IL1RAPL2: variants seen among roughly 807,000 people sequenced by gnomAD.
IL1RAPL2 encodes the protein X-linked interleukin-1 receptor accessory protein-like 2.
A neutral mutation model predicts 44.1 loss-of-function variants in IL1RAPL2; 3 were observed. The observed-to-expected ratio is 0.07, with a 90% CI of 0.03 to 0.18. The LOEUF (loss-of-function observed/expected upper bound fraction) is 0.18. Ranked by LOEUF, IL1RAPL2 falls within the 10% of genes least tolerant of loss-of-function variation. The pLI is 1.00. For missense variants in IL1RAPL2, 391 were observed against 496.4 expected, an observed-to-expected ratio of 0.79 and a Z score of 2.02; for synonymous variants, 181 against 178.8, an observed-to-expected ratio of 1.01 and a Z score of -0.10.
chrX:105,546,419 A>T (rs1340403927), intron 6 of IL1RAPL2, among the ~76,000 whole-genome samples: 1 of 111,578 alleles, frequency 9.0e-6, no homozygotes, highest in Non-Finnish European at 1.9e-5. Context: ...CAAACAATAC[A>T]ATGAGATCAT....
intron 2 of IL1RAPL2, among the ~76,000 whole-genome samples, chrX:104,978,889 A>C (rs948611803): frequency 9.0e-6 from 1 of 111,673 alleles, no homozygotes; most frequent in Non-Finnish European, 1.9e-5. Context: ...AGGAACATGA[A>C]TAGATGGAGA....
At chrX:105,223,555 G>A (rs1365123174) in intron 3 of IL1RAPL2, among the ~76,000 whole-genome samples, 2 of 111,627 alleles carry the variant, frequency 1.8e-5, no homozygotes, top group East Asian at 2.8e-4. Context: ...TCCCACTTCC[G>A]CTTATAAACA....
intron 5 of IL1RAPL2, among the ~76,000 whole-genome samples, chrX:105,286,786 CAT>C (rs1373771303): frequency 2.3e-4 from 26 of 111,452 alleles, no homozygotes; most frequent in Non-Finnish European, 7.5e-5. Flanking sequence ...GGACAGGAAT[CAT>C]ATCTATTTTG....
intron 5 of IL1RAPL2, among the ~76,000 whole-genome samples, chrX:105,467,835 A>C (rs1265923452): frequency 9.0e-6 from 1 of 111,684 alleles, no homozygotes; most frequent in African/African-American, 3.3e-5. Context: ...TGGAAAGAAA[A>C]ATATAGAGCA....
intron 2 of IL1RAPL2, among the ~76,000 whole-genome samples, chrX:104,828,180 T>C (rs1399493494): frequency 8.9e-6 from 1 of 111,772 alleles, no homozygotes; most frequent in East Asian, 2.8e-4. Context: ...TGGCAAGGAG[T>C]TGTGATCCTT....
rs937901566 is a variant in IL1RAPL2 at position 105,472,632 on chromosome X, A to T, written c.698-11681A>T. ...ATATTTTTTCCTTGGAACTATGAGC[A>T]GTCATAATTGGCTCCATTTGAAAAT... is the stretch of plus-strand genomic sequence containing the variant. On this transcript the variant is annotated intron_variant, in intron 5 of 10. Transcript: ENST00000372582. Among the ~76,000 whole-genome samples the T allele has an allele frequency of 2.7e-5, 3 of 111,996 alleles. No individual in the cohort carries two copies. In the East Asian group the frequency reaches 8.5e-4, roughly 32 times the overall value.
At chrX:104,619,050 C>T (rs1391259927) in intron 1 of IL1RAPL2, among the ~76,000 whole-genome samples, 1 of 111,963 alleles carries the variant, frequency 8.9e-6, no homozygotes, top group Non-Finnish European at 1.9e-5. Flanking sequence ...GCAGCTGTAG[C>T]AGCTCTCCTC....
At chrX:105,103,111 C>G (rs1026004255) in intron 2 of IL1RAPL2, among the ~76,000 whole-genome samples, 12 of 111,618 alleles carry the variant, frequency 1.1e-4, no homozygotes, top group African/African-American at 2.9e-4. Flanking sequence ...GAGGCCCGTA[C>G]TCAGTAAATA....
intron 2 of IL1RAPL2, among the ~76,000 whole-genome samples, chrX:104,910,216 T>C (rs760846583): frequency 8.9e-6 from 1 of 111,797 alleles, no homozygotes; most frequent in African/African-American, 3.3e-5. Context: ...TTCGGCTCGC[T>C]CACGGTGCGC....
intron 5 of IL1RAPL2, among the ~76,000 whole-genome samples, chrX:105,286,465 A>C (rs747692521): frequency 1.0e-5 from 1 of 98,016 alleles, no homozygotes; most frequent in South Asian, 4.5e-4. Flanking sequence ...TCTGCTTTGC[A>C]GCCTCAAAAA....
chrX:105,193,431 T>C (rs2033649019), intron 2 of IL1RAPL2, among the ~76,000 whole-genome samples: 1 of 112,030 alleles, frequency 8.9e-6, no homozygotes, highest in East Asian at 2.8e-4. Flanking sequence ...AACATACTTA[T>C]ATCATTACCT....
At chrX:105,683,776 T>G (rs952020215) in intron 6 of IL1RAPL2, among the ~76,000 whole-genome samples, 7 of 112,376 alleles carry the variant, frequency 6.2e-5, no homozygotes, top group African/African-American at 2.3e-4. Context: ...CAGAGTAAAC[T>G]TCCTTGCAGT....
intron 10 of IL1RAPL2, among the ~76,000 whole-genome samples, chrX:105,758,305 T>A (rs2038656816): frequency 8.9e-6 from 1 of 111,932 alleles, no homozygotes; most frequent in Non-Finnish European, 1.9e-5. Context: ...TGTCTTCACT[T>A]TTGATGTATC....
chrX:105,547,119 G>T (rs1471801851), intron 6 of IL1RAPL2, among the ~76,000 whole-genome samples: 1 of 112,251 alleles, frequency 8.9e-6, no homozygotes, highest in Non-Finnish European at 1.9e-5. Context: ...CCATGAGGCA[G>T]ATTTTAGCAT....
chrX:105,022,787 T>C lies in IL1RAPL2; in HGVS notation c.83-172688T>C, dbSNP rs1033402023. On this transcript the variant is annotated intron_variant, in intron 2 of 10. Transcript: ENST00000372582. ...CTTAGAGGGCTGCGTTACACTGTTC[T>C]GTCTCATGGAGGAAATGGTTAGTGG... Among the ~76,000 whole-genome samples, 5 of 111,022 alleles carry C rather than the reference T, an allele frequency of 4.5e-5. No homozygotes were observed. The East Asian group carries it at 1.1e-3, about 25-fold the overall frequency.
At chrX:105,122,671 G>A (rs1294909199) in intron 2 of IL1RAPL2, among the ~76,000 whole-genome samples, 1 of 111,739 alleles carries the variant, frequency 8.9e-6, no homozygotes, top group Non-Finnish European at 1.9e-5. Flanking sequence ...AATCCAGATG[G>A]AATTTCTTAG....
At chrX:105,332,597 A>T (rs2034995345) in intron 5 of IL1RAPL2, among the ~76,000 whole-genome samples, 1 of 111,590 alleles carries the variant, frequency 9.0e-6, no homozygotes, top group Non-Finnish European at 1.9e-5. Flanking sequence ...TGCAGATGAT[A>T]TAATCTTATA....
At chrX:104,832,352 C>G (rs1177832406) in intron 2 of IL1RAPL2, among the ~76,000 whole-genome samples, 1 of 111,104 alleles carries the variant, frequency 9.0e-6, no homozygotes, top group Non-Finnish European at 1.9e-5. Context: ...TTAAAAGTAG[C>G]TAATATCTGA....
At chrX:105,036,440 A>C (rs1448819638) in intron 2 of IL1RAPL2, among the ~76,000 whole-genome samples, 1 of 112,228 alleles carries the variant, frequency 8.9e-6, no homozygotes, top group Non-Finnish European at 1.9e-5. Flanking sequence ...AAGGCCAACG[A>C]CTACCTCTTA....
Sources: gnomAD v4.1 joint callset for allele counts (sites outside exome capture counted in the v4.1 genomes callset) on GRCh38, gnomAD v4.1.1 for gene constraint, MANE v1.5 for transcripts, NCBI Gene and HGNC (gene_info 2026-07-23, HGNC 2026-07-21) for gene names.